The following SLC24A3 variants were observed in gnomAD, a reference collection of about 807,000 sequenced individuals.
SLC24A3 encodes the protein solute carrier family 24 member 3.
In SLC24A3, 28 loss-of-function variants were observed where a neutral mutation model predicts 75.8. The observed-to-expected ratio is 0.37, with a 90% confidence interval of 0.27 to 0.51. The LOEUF (loss-of-function observed/expected upper bound fraction) is 0.51. Among genes scored for constraint, SLC24A3 ranks in the 20% least tolerant of loss-of-function variants. The probability of loss-of-function intolerance (pLI) is 0.94; values close to 1 mark genes in which losing one functional copy is unlikely to be tolerated. For synonymous variants in SLC24A3, 372 were observed against 334.1 expected (o/e 1.11, Z -1.24); for missense variants, 663 against 847.8 (o/e 0.78, Z 2.71).
intron 3 of SLC24A3, among the ~76,000 whole-genome samples, chr20:19,569,669 CT>C (rs1373726759): frequency 3.3e-5 from 5 of 152,060 alleles, no homozygotes; most frequent in Middle Eastern, 3.2e-3. Context: ...CCAGACACTT[CT>C]TTTTTGCTCC....
At chr20:19,540,822 G>A in intron 3 of SLC24A3, among the ~76,000 whole-genome samples, 1 of 152,220 alleles carries the variant, frequency 6.6e-6, no homozygotes, top group East Asian at 1.9e-4. Context: ...CCTTTATATA[G>A]GGCAGCCTTA....
rs965014431 is a variant in SLC24A3 at position 19,326,870 on chromosome 20, G to T, written c.271+45783G>T. 3.0e-4 allele frequency among the ~76,000 whole-genome samples: 46 copies of T among 152,074 alleles called. 1 individual carries two copies. Among genetic ancestry groups the T allele is most frequent in the Non-Finnish European group, 1.0e-4 (7 of 68,006 alleles). On this transcript the variant is annotated intron_variant, in intron 2 of 16. Transcript: ENST00000328041. Reference sequence around the variant, plus strand: ...AGTATGTTGTCCTTTTTAAAATACAGAACAAAGCTTGTTTCCTTTGTTTTA... The same window carrying T: ...AGTATGTTGTCCTTTTTAAAATACATAACAAAGCTTGTTTCCTTTGTTTTA...
At chr20:19,574,513 G>A (rs1299317102) in intron 3 of SLC24A3, among the ~76,000 whole-genome samples, 3 of 152,172 alleles carry the variant, frequency 2.0e-5, no homozygotes, top group Non-Finnish European at 4.4e-5. Flanking sequence ...TCTCAGTTGG[G>A]CTCACCCACA....
At chr20:19,628,218 A>AAG (rs1555803520) in intron 6 of SLC24A3, among the ~76,000 whole-genome samples, 3 of 150,904 alleles carry the variant, frequency 2.0e-5, no homozygotes, top group Non-Finnish European at 3.0e-5. Flanking sequence ...AAAAAAAAAA[A>AAG]AAAAGAAAAA....
At chr20:19,661,131 C>G (rs2032321635) in intron 7 of SLC24A3, among the ~76,000 whole-genome samples, 1 of 152,168 alleles carries the variant, frequency 6.6e-6, no homozygotes, top group African/African-American at 2.4e-5. Flanking sequence ...TTTCCCTGCC[C>G]AGCAAACATA....
chr20:19,444,650 T>A (rs550164619), intron 2 of SLC24A3, among the ~76,000 whole-genome samples: 1 of 152,170 alleles, frequency 6.6e-6, no homozygotes, highest in Non-Finnish European at 1.5e-5. Flanking sequence ...TCAATGTCAA[T>A]GCAATAAGTA....
intron 2 of SLC24A3, among the ~76,000 whole-genome samples, chr20:19,415,994 A>G (rs546934249): frequency 3.3e-5 from 5 of 152,322 alleles, no homozygotes; most frequent in South Asian, 4.1e-4. Flanking sequence ...TTTGAATTAT[A>G]TCTCTCCTGC....
At chr20:19,289,031 T>G (rs1274791150) in intron 2 of SLC24A3, among the ~76,000 whole-genome samples, 2 of 152,164 alleles carry the variant, frequency 1.3e-5, no homozygotes, top group African/African-American at 4.8e-5. Context: ...AGTTGCCTCA[T>G]GTGCTCTGCA....
intron 3 of SLC24A3, among the ~76,000 whole-genome samples, chr20:19,520,721 C>CT (rs2030083148): frequency 7.0e-6 from 1 of 143,486 alleles, no homozygotes; most frequent in Non-Finnish European, 1.5e-5. Flanking sequence ...TTGGTGGTCT[C>CT]CCCTGTTCCC....
At chr20:19,546,255 T>C (rs1430784200) in intron 3 of SLC24A3, among the ~76,000 whole-genome samples, 1 of 143,892 alleles carries the variant, frequency 6.9e-6, no homozygotes, top group African/African-American at 2.7e-5. Flanking sequence ...CTGAAAGGAG[T>C]ATCTTGATGC....
At chr20:19,511,397 C>G (rs545464992) in intron 2 of SLC24A3, among the ~76,000 whole-genome samples, 3 of 151,188 alleles carry the variant, frequency 2.0e-5, no homozygotes, top group South Asian at 2.1e-4. Flanking sequence ...GCGTGATCTC[C>G]GCTCACTGCA....
intron 2 of SLC24A3, among the ~76,000 whole-genome samples, chr20:19,483,023 C>T (rs913480395): frequency 2.0e-5 from 3 of 152,206 alleles, no homozygotes; most frequent in African/African-American, 2.4e-5. Context: ...GCTTTGCTCA[C>T]GTGACAACAC....
At chr20:19,512,780 G>A (rs1407560943) in intron 2 of SLC24A3, among the ~76,000 whole-genome samples, 1 of 152,192 alleles carries the variant, frequency 6.6e-6, no homozygotes, top group Non-Finnish European at 1.5e-5. Context: ...GTGCTCCCTC[G>A]GTCCCTTGTT....
At chr20:19,628,585 G>A (rs891868492) in intron 6 of SLC24A3, among the ~76,000 whole-genome samples, 9 of 152,140 alleles carry the variant, frequency 5.9e-5, no homozygotes, top group African/African-American at 2.2e-4. Context: ...GGATTTTGGG[G>A]GTGCTTCTCA....
chr20:19,664,522 G>A (rs2032375246), intron 7 of SLC24A3, among the ~76,000 whole-genome samples: 1 of 152,222 alleles, frequency 6.6e-6, no homozygotes, highest in Non-Finnish European at 1.5e-5. Context: ...CAAGATAATT[G>A]GAAAGAGTTG....
At chr20:19,338,588 A>C (rs1985192770) in intron 2 of SLC24A3, among the ~76,000 whole-genome samples, 1 of 152,216 alleles carries the variant, frequency 6.6e-6, no homozygotes, top group Non-Finnish European at 1.5e-5. Flanking sequence ...GTTCTATTTC[A>C]GCCAGTTGTT....
chr20:19,555,864 G>T (rs1393712922), intron 3 of SLC24A3, among the ~76,000 whole-genome samples: 3 of 152,116 alleles, frequency 2.0e-5, no homozygotes, highest in Non-Finnish European at 2.9e-5. Context: ...TGTACAAAAA[G>T]ACATGGAATG....
intron 6 of SLC24A3, among the ~76,000 whole-genome samples, chr20:19,631,167 A>G (rs6046213): frequency 0.073 from 11,069 of 152,124 alleles, 946 homozygotes; most frequent in African/African-American, 0.21. Context: ...AACATGGTGA[A>G]ACACTGTCTA....
chr20:19,442,621 C>G (rs1259382273), intron 2 of SLC24A3, among the ~76,000 whole-genome samples: 1 of 151,088 alleles, frequency 6.6e-6, no homozygotes, highest in Non-Finnish European at 1.5e-5. Flanking sequence ...TATCAAATAT[C>G]TGTTTTGCAA....
Sources: allele counts gnomAD v4.1 joint callset (sites outside exome capture counted in the v4.1 genomes callset), GRCh38; gene constraint gnomAD v4.1.1; transcripts MANE v1.5; gene names NCBI Gene and HGNC (gene_info 2026-07-23, HGNC 2026-07-21).